Variants in VWA8 observed in about 807,000 individuals in gnomAD.
VWA8 encodes von Willebrand factor A domain containing 8.
Under a neutral mutation model 241.5 loss-of-function variants are expected in VWA8, and 221 were observed. The observed-to-expected ratio is 0.91, with a 90% CI of 0.82 to 1.02. The LOEUF (loss-of-function observed/expected upper bound fraction) is 1.02. Ranked by LOEUF, VWA8 falls within the 50% of genes least tolerant of loss-of-function variation. VWA8 has a pLI of 0.00. For synonymous variants in VWA8, 852 were observed against 827.1 expected (o/e 1.03, Z -0.52); for missense variants, 2,322 against 2,328.7 (o/e 1.00, Z 0.06).
chr13:41,611,159 T>C (rs2044585327), intron 39 of VWA8, among the ~76,000 whole-genome samples: 1 of 152,190 alleles, frequency 6.6e-6, no homozygotes, highest in Admixed American at 6.5e-5. Flanking sequence ...TAAACTTGCC[T>C]TTCTCTGCAC....
intron 36 of VWA8, among the ~76,000 whole-genome samples, chr13:41,674,106 A>C (rs556423735): frequency 1.3e-5 from 2 of 152,348 alleles, no homozygotes; most frequent in South Asian, 4.1e-4. Context: ...TGTTCCAAGA[A>C]GTCATACTTA....
chr13:41,773,823 C>T (rs533590754), intron 20 of VWA8, among the ~76,000 whole-genome samples: 2 of 152,306 alleles, frequency 1.3e-5, no homozygotes, highest in African/African-American at 4.8e-5. Context: ...CTAATCAGCA[C>T]TTTATTATTA....
At chr13:41,860,754 A>G (rs908071117) in intron 12 of VWA8, among the ~76,000 whole-genome samples, 1 of 152,174 alleles carries the variant, frequency 6.6e-6, no homozygotes, top group Non-Finnish European at 1.5e-5. Flanking sequence ...CAGTGTAGCT[A>G]TGAGATCTGA....
chr13:41,877,848 T>C lies in VWA8; in HGVS notation c.1080+5539A>G, dbSNP rs75092099. ...TGAGAGGGTTTTCTTTAAGACATCC[T>C]TAACTAAAAGCTAGAAAGTATTTCA... On this transcript the variant is annotated intron_variant, in intron 9 of 44. Transcript: ENST00000379310. 6.2e-3 allele frequency among the ~76,000 whole-genome samples: 939 copies of C among 152,234 alleles called. 6 individuals carry two copies. The highest frequency in any genetic ancestry group is 0.021 in the African/African-American group (892 of 41,578).
intron 2 of VWA8, among the ~76,000 whole-genome samples, chr13:41,947,362 T>C (rs1877897105): frequency 6.6e-6 from 1 of 152,194 alleles, no homozygotes; most frequent in Non-Finnish European, 1.5e-5. Flanking sequence ...AGACTAAGAT[T>C]AGATCAAGAA....
At chr13:41,649,222 T>A (rs2139686499) in intron 37 of VWA8, among the ~76,000 whole-genome samples, 1 of 152,252 alleles carries the variant, frequency 6.6e-6, no homozygotes, top group African/African-American at 2.4e-5. Flanking sequence ...GCAGTAGATT[T>A]CTTTAAACAG....
intron 12 of VWA8, among the ~76,000 whole-genome samples, chr13:41,856,577 T>G (rs752062931): frequency 6.6e-6 from 1 of 152,094 alleles, no homozygotes; most frequent in African/African-American, 2.4e-5. Context: ...TCCGAACACT[T>G]TGGGAGACCA....
intron 2 of VWA8, among the ~76,000 whole-genome samples, chr13:41,919,640 C>T (rs1471840891): frequency 6.6e-6 from 1 of 152,078 alleles, no homozygotes; most frequent in African/African-American, 2.4e-5. Flanking sequence ...CCCCTGCATC[C>T]CAGACATTGG....
intron 2 of VWA8, among the ~76,000 whole-genome samples, chr13:41,940,414 T>C (rs949400011): frequency 3.3e-5 from 5 of 152,068 alleles, no homozygotes; most frequent in African/African-American, 1.2e-4. Context: ...TAAAATACTT[T>C]TTAAACTTCA....
chr13:41,713,952 C>CA (rs1471863219), intron 26 of VWA8, among the ~76,000 whole-genome samples: 3 of 151,822 alleles, frequency 2.0e-5, no homozygotes, highest in African/African-American at 7.3e-5. Flanking sequence ...AATATCTCTT[C>CA]TATTATGTCA....
chr13:41,568,428 C>G (rs748431273), intron 44 of VWA8, 123 bp from the exon 45 acceptor site: 104 of 662,324 alleles, frequency 1.6e-4, no homozygotes, highest in Middle Eastern at 1.0e-3. Context: ...TTTCTAATAC[C>G]TTGCTCTCTG....
intron 20 of VWA8, among the ~76,000 whole-genome samples, chr13:41,773,143 G>T (rs1387090333): frequency 1.3e-5 from 2 of 152,190 alleles, no homozygotes; most frequent in African/African-American, 4.8e-5. Flanking sequence ...TTAAAAATAA[G>T]TTATGTGATT....
At chr13:41,571,558 C>G (rs1041502665) in intron 43 of VWA8, among the ~76,000 whole-genome samples, 1 of 152,190 alleles carries the variant, frequency 6.6e-6, no homozygotes, top group Non-Finnish European at 1.5e-5. Context: ...CCGTGTTGGC[C>G]GGGCTGGTCT....
chr13:41,866,971 G>C (rs1187301550), intron 10 of VWA8, among the ~76,000 whole-genome samples: 2 of 152,054 alleles, frequency 1.3e-5, no homozygotes, highest in Non-Finnish European at 2.9e-5. Flanking sequence ...GTTCTGATGA[G>C]GACTCTGGGC....
In VWA8 at chr13:41,622,933, C is replaced by T. The variant is rs901529541; in HGVS notation, c.4612-7849G>A. On this transcript the variant is annotated intron_variant, in intron 37 of 44. Coordinates refer to ENST00000379310, the MANE Select transcript of VWA8 (RefSeq NM_015058.2). Reference sequence around the variant, plus strand: ...AGCAGACATTTCTCATGTGAGCCTACCTCACGTTCATTTCCTCTTTTTTCC... The same window carrying T: ...AGCAGACATTTCTCATGTGAGCCTATCTCACGTTCATTTCCTCTTTTTTCC... Among the ~76,000 whole-genome samples the T allele has an allele frequency of 2.6e-5, 4 of 152,218 alleles. No individual in the cohort carries two copies. In the South Asian group the frequency reaches 8.3e-4, roughly 31 times the overall value.
rs140268494 is a variant in VWA8 at position 41,868,383 on chromosome 13, A to G, written c.1175T>C (p.Val392Ala). Reference sequence around the variant, plus strand: ...CTCTTTATCTGCAATCCGGATGGTCACAGAAGCTTGGGACACATGGTTTTC... The same window carrying G: ...CTCTTTATCTGCAATCCGGATGGTCGCAGAAGCTTGGGACACATGGTTTTC... ...MMENHVSQAS[V>A]TIRIADKEVT... Residue 392 changes from valine to alanine, a missense_variant, in exon 10 of 45, where the codon GTG becomes GCG. Val to Ala is a moderately conservative substitution (Grantham distance 64). Coordinates refer to ENST00000379310, the MANE Select transcript of VWA8 (RefSeq NM_015058.2). 886 of 1,614,040 alleles carry G rather than the reference A, an allele frequency of 5.5e-4. 2 individuals are homozygous for G. The highest frequency in any genetic ancestry group is 7.3e-4 in the Non-Finnish European group (856 of 1,180,020).
chr13:41,930,602 A>G (rs1012111036), intron 2 of VWA8, among the ~76,000 whole-genome samples: 2 of 152,178 alleles, frequency 1.3e-5, no homozygotes, highest in African/African-American at 2.4e-5. Flanking sequence ...AATTCCACAC[A>G]TTTGACTGCA....
chr13:41,722,217 A>T (rs1204965606), intron 24 of VWA8, among the ~76,000 whole-genome samples: 1 of 152,196 alleles, frequency 6.6e-6, no homozygotes, highest in Non-Finnish European at 1.5e-5. Context: ...TTGGTAGAGT[A>T]AACCTGTAGA....
intron 29 of VWA8, 67 bp downstream of exon 29, chr13:41,699,004 G>T (rs1318890219): frequency 5.6e-6 from 9 of 1,597,370 alleles, no homozygotes; most frequent in Non-Finnish European, 7.7e-6. Context: ...TTCAGTTATA[G>T]GTTTCTAATC....
Sources: allele counts gnomAD v4.1 joint callset (sites outside exome capture counted in the v4.1 genomes callset), GRCh38; gene constraint gnomAD v4.1.1; transcripts MANE v1.5; gene names NCBI Gene and HGNC (gene_info 2026-07-23, HGNC 2026-07-21).